LHFPL6: variants seen among roughly 807,000 people sequenced by gnomAD.
LHFPL6 encodes LHFPL tetraspan subfamily member 6 protein.
Under a neutral mutation model 20.6 loss-of-function variants are expected in LHFPL6, and 9 were observed. The ratio of observed to expected loss-of-function variants is 0.44; its 90% confidence interval spans 0.26 to 0.76. The LOEUF is 0.76. Among genes scored for constraint, LHFPL6 ranks in the 30% least tolerant of loss-of-function variants. The probability of loss-of-function intolerance (pLI) is 0.20; values close to 1 mark genes in which losing one functional copy is unlikely to be tolerated. For synonymous variants in LHFPL6, 105 were observed against 98.7 expected, an observed-to-expected ratio of 1.06 and a Z score of -0.38; for missense variants, 218 against 253.5, an observed-to-expected ratio of 0.86 and a Z score of 0.95.
intron 2 of LHFPL6, among the ~76,000 whole-genome samples, chr13:39,393,017 A>G (rs1870749904): frequency 6.6e-6 from 1 of 152,136 alleles, no homozygotes; most frequent in Admixed American, 6.5e-5. Context: ...CATTTATATT[A>G]TATTAGGTAT....
At chr13:39,413,660 T>C (rs890650384) in intron 2 of LHFPL6, among the ~76,000 whole-genome samples, 1 of 151,372 alleles carries the variant, frequency 6.6e-6, no homozygotes, top group Non-Finnish European at 1.5e-5. Flanking sequence ...TAAGTGAACA[T>C]ATGTTTGCAT....
chr13:39,475,543 G>A (rs1158332661), intron 2 of LHFPL6, among the ~76,000 whole-genome samples: 2 of 151,910 alleles, frequency 1.3e-5, no homozygotes, highest in Non-Finnish European at 2.9e-5. Context: ...CACCAAAATT[G>A]CAAGGATGCT....
At chr13:39,502,167 T>G (rs1055464344) in intron 2 of LHFPL6, among the ~76,000 whole-genome samples, 1 of 152,232 alleles carries the variant, frequency 6.6e-6, no homozygotes, top group Admixed American at 6.5e-5. Flanking sequence ...CACCTCAAAA[T>G]GGCCTTGCCA....
intron 2 of LHFPL6, among the ~76,000 whole-genome samples, chr13:39,391,829 C>T (rs971768963): frequency 4.6e-5 from 7 of 152,184 alleles, no homozygotes; most frequent in African/African-American, 1.2e-4. Context: ...AGAAGAACCT[C>T]ATCCATTTTC....
intron 2 of LHFPL6, among the ~76,000 whole-genome samples, chr13:39,562,585 TATATACATATATACACATATAC>T (rs1566142199): frequency 1.1e-5 from 1 of 90,144 alleles, no homozygotes. Flanking sequence ...TATATACACA[TATATACATATATACACATATAC>T]ATATATACAC....
At chr13:39,478,830 G>C (rs1868396521) in intron 2 of LHFPL6, among the ~76,000 whole-genome samples, 1 of 152,112 alleles carries the variant, frequency 6.6e-6, no homozygotes, top group Admixed American at 6.5e-5. Flanking sequence ...GAATTGGACT[G>C]AAATTACACC....
At chr13:39,347,149 T>C (rs2138333534) in intron 3 of LHFPL6, among the ~76,000 whole-genome samples, 1 of 150,274 alleles carries the variant, frequency 6.7e-6, no homozygotes, top group South Asian at 2.1e-4. Flanking sequence ...CTATAGCCTA[T>C]GAGGGCTTAA....
At chr13:39,381,889 T>C (rs1203660965) in intron 2 of LHFPL6, among the ~76,000 whole-genome samples, 5 of 149,724 alleles carry the variant, frequency 3.3e-5, no homozygotes, top group African/African-American at 1.2e-4. Flanking sequence ...CAGAAACAGA[T>C]GGATTGGTTA....
chr13:39,487,538 C>T (rs115221097), intron 2 of LHFPL6, among the ~76,000 whole-genome samples: 1,900 of 152,286 alleles, frequency 0.012, 34 homozygotes, highest in African/African-American at 0.044. Flanking sequence ...AGTGTTCTTA[C>T]GAATTAATCA....
chr13:39,563,160 CA>C (rs1200530054), intron 2 of LHFPL6, among the ~76,000 whole-genome samples: 1 of 146,024 alleles, frequency 6.8e-6, no homozygotes, highest in Non-Finnish European at 1.5e-5. Context: ...AATTATCCAG[CA>C]AAGCAACAAT....
chr13:39,583,167 T>A (rs1872340790), intron 2 of LHFPL6, among the ~76,000 whole-genome samples: 1 of 115,882 alleles, frequency 8.6e-6, no homozygotes, highest in East Asian at 2.7e-4. Flanking sequence ...GGATGCCAAA[T>A]TCTTTTTTTT....
At chr13:39,344,156 G>C in intron 3 of LHFPL6, 102 bp from the exon 4 acceptor site, 1 of 811,540 alleles carries the variant, frequency 1.2e-6, no homozygotes, top group Non-Finnish European at 2.0e-6. Context: ...ACACCCTTTA[G>C]GAATATGGTA....
At chr13:39,369,562 G>A (rs904290461) in intron 3 of LHFPL6, among the ~76,000 whole-genome samples, 31 of 3,844 alleles carry the variant, frequency 8.1e-3, no homozygotes, top group Non-Finnish European at 0.021. Flanking sequence ...AAAATTCATA[G>A]TAGGTTTCCT....
intron 3 of LHFPL6, among the ~76,000 whole-genome samples, chr13:39,352,862 T>G (rs1869607602): frequency 1.0e-4 from 6 of 60,280 alleles, no homozygotes; most frequent in East Asian, 9.2e-4. Flanking sequence ...TGTATATATA[T>G]GTGTATATAT....
chr13:39,549,638 T>A (rs542600365), intron 2 of LHFPL6, among the ~76,000 whole-genome samples: 105 of 152,216 alleles, frequency 6.9e-4, no homozygotes, highest in Admixed American at 1.8e-3. Context: ...ATAGACCATA[T>A]AACCCAGCAG....
At chr13:39,541,584 C>T (rs1870799888) in intron 2 of LHFPL6, among the ~76,000 whole-genome samples, 1 of 152,204 alleles carries the variant, frequency 6.6e-6, no homozygotes, top group African/African-American at 2.4e-5. Flanking sequence ...ACAGACTTTA[C>T]TAATTACTCC....
intron 2 of LHFPL6, among the ~76,000 whole-genome samples, chr13:39,523,156 G>A (rs1870165546): frequency 6.6e-6 from 1 of 152,162 alleles, no homozygotes; most frequent in African/African-American, 2.4e-5. Context: ...ACTGATACAT[G>A]TAATGTGCCG....
chr13:39,506,304 G>T (rs980435280), intron 2 of LHFPL6, among the ~76,000 whole-genome samples: 7 of 152,132 alleles, frequency 4.6e-5, no homozygotes, highest in African/African-American at 1.7e-4. Context: ...TGAGGGTCCC[G>T]CTGCTAATTC....
intron 2 of LHFPL6, among the ~76,000 whole-genome samples, chr13:39,473,694 T>C (rs2138438886): frequency 6.6e-6 from 1 of 152,346 alleles, no homozygotes; most frequent in East Asian, 1.9e-4. Flanking sequence ...TTTATGTGAA[T>C]CTGCCACAAA....
Sources: allele counts gnomAD v4.1 joint callset (sites outside exome capture counted in the v4.1 genomes callset), GRCh38; gene constraint gnomAD v4.1.1; transcripts MANE v1.5; gene names NCBI Gene and HGNC (gene_info 2026-07-23, HGNC 2026-07-21).